ENPP6: variants seen among roughly 807,000 people sequenced by gnomAD.
The protein encoded by ENPP6 is ectonucleotide pyrophosphatase/phosphodiesterase 6.
Under a neutral mutation model 42.0 loss-of-function variants are expected in ENPP6, and 32 were observed. The ratio of observed to expected loss-of-function variants is 0.76; its 90% confidence interval spans 0.58 to 1.02. ENPP6 has a LOEUF of 1.02. ENPP6 is among the 50% of genes least tolerant of loss of function. ENPP6 has a pLI of 0.00. For synonymous variants in ENPP6, 213 were observed against 216.0 expected (o/e 0.99, Z 0.12); for missense variants, 552 against 566.8 (o/e 0.97, Z 0.27).
At chr4:184,093,945 C>T (rs1735853279) in intron 7 of ENPP6, among the ~76,000 whole-genome samples, 1 of 152,102 alleles carries the variant, frequency 6.6e-6, no homozygotes, top group Non-Finnish European at 1.5e-5. Context: ...GCATGTGAGG[C>T]AGTGGACCAG....
intron 1 of ENPP6, among the ~76,000 whole-genome samples, chr4:184,162,480 A>T (rs533899563): frequency 6.6e-6 from 1 of 151,834 alleles, no homozygotes; most frequent in Non-Finnish European, 1.5e-5. Flanking sequence ...GCCTATTTTG[A>T]AGCCTAAGTT....
chr4:184,135,622 T>C (rs779201104), intron 2 of ENPP6, among the ~76,000 whole-genome samples: 4 of 152,230 alleles, frequency 2.6e-5, no homozygotes, highest in Non-Finnish European at 5.9e-5. Flanking sequence ...TTTGGTTTTA[T>C]CCAGTCTGAT....
chr4:184,171,898 A>G (rs145002874), intron 1 of ENPP6, among the ~76,000 whole-genome samples: 66 of 152,172 alleles, frequency 4.3e-4, no homozygotes, highest in African/African-American at 1.5e-3. Context: ...CGGGCGGGAG[A>G]AGACAGATCA....
chr4:184,131,051 C>T (rs1736601867), intron 2 of ENPP6, among the ~76,000 whole-genome samples: 3 of 152,018 alleles, frequency 2.0e-5, no homozygotes, highest in African/African-American at 7.3e-5. Flanking sequence ...GAGAAGAGCT[C>T]GATTTGGGGA....
chr4:184,106,135 A>G (rs1376065663), intron 6 of ENPP6, among the ~76,000 whole-genome samples: 1 of 151,798 alleles, frequency 6.6e-6, no homozygotes, highest in African/African-American at 2.4e-5. Context: ...CCCAGGTTCA[A>G]GTGATTCTCC....
chr4:184,107,581 C>A (rs1268689160), intron 6 of ENPP6, among the ~76,000 whole-genome samples: 1 of 151,984 alleles, frequency 6.6e-6, no homozygotes, highest in African/African-American at 2.4e-5. Context: ...TCGAGACCAG[C>A]CTGGCCAATA....
intron 1 of ENPP6, among the ~76,000 whole-genome samples, chr4:184,195,629 G>A (rs1039427992): frequency 2.0e-4 from 30 of 152,070 alleles, no homozygotes; most frequent in African/African-American, 6.0e-4. Flanking sequence ...CGCCTTCTAC[G>A]CTCTGTCTCT....
At chr4:184,115,574 C>T (rs1183795193) in intron 5 of ENPP6, among the ~76,000 whole-genome samples, 1 of 152,160 alleles carries the variant, frequency 6.6e-6, no homozygotes, top group Non-Finnish European at 1.5e-5. Flanking sequence ...TCATCATGGT[C>T]ACCGACACAT....
chr4:184,180,457 A>T (rs4861606), intron 1 of ENPP6, among the ~76,000 whole-genome samples: 130,299 of 152,206 alleles, frequency 0.86, 56,797 homozygotes, highest in East Asian at 1. Context: ...CCATTTCTCA[A>T]GAAACTATTC....
At chr4:184,155,052 A>T (rs556234548) in intron 1 of ENPP6, among the ~76,000 whole-genome samples, 1 of 152,254 alleles carries the variant, frequency 6.6e-6, no homozygotes, top group African/African-American at 2.4e-5. Flanking sequence ...CTCTGTGTAA[A>T]AGAGCCAGGC....
intron 6 of ENPP6, among the ~76,000 whole-genome samples, chr4:184,102,622 A>AG (rs1736024489): frequency 6.6e-6 from 1 of 152,116 alleles, no homozygotes; most frequent in Non-Finnish European, 1.5e-5. Context: ...AGGTGGCTGG[A>AG]GGGTTGAAAT....
chr4:184,102,080 A>G (rs1736012885), intron 6 of ENPP6, among the ~76,000 whole-genome samples: 1 of 152,234 alleles, frequency 6.6e-6, no homozygotes, highest in African/African-American at 2.4e-5. Context: ...TATAATTTCT[A>G]GACCAGGCCT....
chr4:184,145,313 T>G (rs900282903), intron 2 of ENPP6, among the ~76,000 whole-genome samples: 1 of 152,208 alleles, frequency 6.6e-6, no homozygotes, highest in Non-Finnish European at 1.5e-5. Context: ...CCCTGCCTCC[T>G]TTTCTTTCTT....
chr4:184,116,944 T>C lies in ENPP6; in HGVS notation c.767A>G (p.Asn256Ser), dbSNP rs748720101. ...CAGGTCATTCAGGCTGATGTACTTATTCAGCTCAATCACTTTGTCCATCCA... is the reference window on the plus strand; with the variant it reads ...CAGGTCATTCAGGCTGATGTACTTACTCAGCTCAATCACTTTGTCCATCCA... Reference protein sequence around the residue: ...IFWMDKVIELNKYISLNDLQQ... With the variant: ...IFWMDKVIELSKYISLNDLQQ... Residue 256 changes from asparagine (N) to serine (S), a missense_variant, in exon 5 of 8, where the codon AAT becomes AGT. Coordinates refer to ENST00000296741, the MANE Select transcript of ENPP6 (RefSeq NM_153343.4). 2.5e-6 allele frequency: 4 copies of C among 1,614,218 alleles called. No homozygotes were observed. In the South Asian group the frequency reaches 3.3e-5, roughly 13 times the overall value.
intron 1 of ENPP6, among the ~76,000 whole-genome samples, chr4:184,192,937 C>A (rs749546361): frequency 2.0e-5 from 3 of 152,076 alleles, no homozygotes; most frequent in Non-Finnish European, 4.4e-5. Context: ...ATAAAAAAGA[C>A]AATAATGGCT....
At chr4:184,179,062 T>C (rs1245427744) in intron 1 of ENPP6, among the ~76,000 whole-genome samples, 1 of 152,190 alleles carries the variant, frequency 6.6e-6, no homozygotes, top group Non-Finnish European at 1.5e-5. Flanking sequence ...AACGTCCCAA[T>C]TAAAAGACAT....
At chr4:184,135,545 G>A (rs1736718010) in intron 2 of ENPP6, among the ~76,000 whole-genome samples, 1 of 152,152 alleles carries the variant, frequency 6.6e-6, no homozygotes, top group Non-Finnish European at 1.5e-5. Flanking sequence ...TTTTAAAAAT[G>A]CTATTACTTT....
chr4:184,214,975 G>A (rs1344022390), intron 1 of ENPP6, among the ~76,000 whole-genome samples: 1 of 152,178 alleles, frequency 6.6e-6, no homozygotes, highest in Non-Finnish European at 1.5e-5. Flanking sequence ...TTCTGCACAT[G>A]TGTCCCAGAA....
chr4:184,159,463 C>T (rs1258775077), intron 1 of ENPP6, among the ~76,000 whole-genome samples: 1 of 152,158 alleles, frequency 6.6e-6, no homozygotes, highest in Non-Finnish European at 1.5e-5. Flanking sequence ...GATTGACCAA[C>T]AATCATGATG....
Sources: allele counts gnomAD v4.1 joint callset (sites outside exome capture counted in the v4.1 genomes callset), GRCh38; gene constraint gnomAD v4.1.1; transcripts MANE v1.5; gene names NCBI Gene and HGNC (gene_info 2026-07-23, HGNC 2026-07-21).